RASA1: variants seen among roughly 807,000 people sequenced by gnomAD.
The protein encoded by RASA1 is RAS p21 protein activator 1.
In RASA1, 25 loss-of-function variants were observed where a neutral mutation model predicts 132.2. The observed-to-expected ratio is 0.19, with a 90% CI of 0.14 to 0.26. The LOEUF is 0.26. Among genes scored for constraint, RASA1 ranks in the 10% least tolerant of loss-of-function variants. The pLI is 1.00. For synonymous variants in RASA1, 477 were observed against 449.9 expected, an observed-to-expected ratio of 1.06 and a Z score of -0.76; for missense variants, 964 against 1,299.2, an observed-to-expected ratio of 0.74 and a Z score of 3.97.
chr5:87,306,094 C>G (rs1755596737), intron 1 of RASA1, among the ~76,000 whole-genome samples: 1 of 152,148 alleles, frequency 6.6e-6, no homozygotes, highest in Non-Finnish European at 1.5e-5. Context: ...AAATACCATT[C>G]AACCCATAAA....
At chr5:87,289,327 A>G (rs1421678446) in intron 1 of RASA1, among the ~76,000 whole-genome samples, 2 of 152,154 alleles carry the variant, frequency 1.3e-5, no homozygotes, top group Non-Finnish European at 2.9e-5. Context: ...GGTGGGTTGC[A>G]CCAGATTTTG....
In RASA1 at chr5:87,295,069, G is replaced by C. The variant is rs116901361; in HGVS notation, c.539+26079G>C. Among the ~76,000 whole-genome samples, 31 of 152,122 alleles carry C rather than the reference G, an allele frequency of 2.0e-4. No homozygotes were observed. The East Asian group carries it at 3.5e-3, about 17-fold the overall frequency. ...GATCATTGGGTCTTCTTGAGGTATT[G>C]ATCCCTTTATCATTACTTAATGCCT... On this transcript the variant is annotated intron_variant, in intron 1 of 24. Coordinates refer to ENST00000274376, the MANE Select transcript of RASA1 (RefSeq NM_002890.3).
intron 9 of RASA1, among the ~76,000 whole-genome samples, chr5:87,356,566 T>C (rs1335538197): frequency 1.3e-5 from 2 of 152,084 alleles, no homozygotes; most frequent in Non-Finnish European, 2.9e-5. Context: ...ATATTTTTTG[T>C]AGAGATAGAG....
intron 1 of RASA1, among the ~76,000 whole-genome samples, chr5:87,312,001 T>C (rs1464377800): frequency 6.6e-6 from 1 of 152,224 alleles, no homozygotes; most frequent in African/African-American, 2.4e-5. Context: ...ATACTGGTGA[T>C]ATATAAGGAA....
At chr5:87,276,846 C>T (rs896931941) in intron 1 of RASA1, among the ~76,000 whole-genome samples, 6 of 152,128 alleles carry the variant, frequency 3.9e-5, no homozygotes, top group Non-Finnish European at 8.8e-5. Context: ...AGGGAAGCTT[C>T]TCTGCTTAGA....
intron 9 of RASA1, among the ~76,000 whole-genome samples, chr5:87,359,283 C>T (rs1000661572): frequency 6.6e-6 from 1 of 152,132 alleles, no homozygotes; most frequent in African/African-American, 2.4e-5. Flanking sequence ...GGCTGTTAGA[C>T]TCTAACCAAT....
intron 1 of RASA1, among the ~76,000 whole-genome samples, chr5:87,329,103 C>T (rs1446179742): frequency 6.6e-6 from 1 of 152,002 alleles, no homozygotes; most frequent in South Asian, 2.1e-4. Context: ...TGTCTTTCTC[C>T]TGAACTGACT....
At chr5:87,336,616 T>C (rs1757990708) in intron 4 of RASA1, among the ~76,000 whole-genome samples, 1 of 152,098 alleles carries the variant, frequency 6.6e-6, no homozygotes, top group Admixed American at 6.5e-5. Flanking sequence ...CTTTTTTTGG[T>C]TTTTGCACCA....
rs150590093 is a variant in RASA1 at position 87,317,027 on chromosome 5, C to T, written c.540-14321C>T. On this transcript the variant is annotated intron_variant, in intron 1 of 24. Transcript: ENST00000274376. ...ACTCCCGAGTAGCTGGGATTACAGG[C>T]GTGTGCCACTACACCCAGCTAATTT... Among the ~76,000 whole-genome samples the T allele has an allele frequency of 4.6e-5, 7 of 152,086 alleles. No individual in the cohort carries two copies. In the East Asian group the frequency reaches 1.2e-3, roughly 25 times the overall value.
intron 2 of RASA1, among the ~76,000 whole-genome samples, chr5:87,332,026 A>G (rs1757638385): frequency 1.3e-5 from 2 of 152,266 alleles, no homozygotes; most frequent in African/African-American, 2.4e-5. Flanking sequence ...TCTAATGCAT[A>G]TAGTGTTAAA....
intron 1 of RASA1, among the ~76,000 whole-genome samples, chr5:87,285,017 G>A (rs2112252704): frequency 6.6e-6 from 1 of 151,348 alleles, no homozygotes; most frequent in East Asian, 1.9e-4. Flanking sequence ...TTAAAGTGCT[G>A]CGGAGATAAT....
At chr5:87,318,277 G>T (rs1415258473) in intron 1 of RASA1, 1 of 152,172 alleles carries the variant, frequency 6.6e-6, no homozygotes, top group African/African-American at 2.4e-5. Context: ...GTTAGAGGAG[G>T]AGTTTATGGC....
chr5:87,366,303 G>C (rs1211825430), intron 11 of RASA1: 1 of 363,832 alleles, frequency 2.7e-6, no homozygotes, highest in Non-Finnish European at 5.7e-6. Flanking sequence ...ATATCTGTAA[G>C]ATTGAAGAAA....
chr5:87,328,764 TG>T (rs1455136171), intron 1 of RASA1, among the ~76,000 whole-genome samples: 1 of 152,150 alleles, frequency 6.6e-6, no homozygotes, highest in Non-Finnish European at 1.5e-5. Context: ...TAAAAGATTG[TG>T]GGTTAAAAAA....
At chr5:87,307,703 T>C (rs899711872) in intron 1 of RASA1, among the ~76,000 whole-genome samples, 1 of 152,232 alleles carries the variant, frequency 6.6e-6, no homozygotes, top group African/African-American at 2.4e-5. Flanking sequence ...CTTTTTCTTC[T>C]TTGATCAGTC....
intron 1 of RASA1, among the ~76,000 whole-genome samples, chr5:87,279,709 T>G (rs534609252): frequency 7.9e-5 from 12 of 152,242 alleles, no homozygotes; most frequent in African/African-American, 2.9e-4. Flanking sequence ...TTTACTGATA[T>G]CTCATTGTGA....
At chr5:87,328,782 A>C (rs1757410358) in intron 1 of RASA1, among the ~76,000 whole-genome samples, 1 of 152,182 alleles carries the variant, frequency 6.6e-6, no homozygotes, top group African/African-American at 2.4e-5. Flanking sequence ...AAAATGGTTG[A>C]GAAATACTGT....
chr5:87,294,810 T>A (rs1360086104), intron 1 of RASA1, among the ~76,000 whole-genome samples: 1 of 152,210 alleles, frequency 6.6e-6, no homozygotes, highest in Non-Finnish European at 1.5e-5. Context: ...TTGGAGAGAA[T>A]GTGCAGTCTG....
intron 11 of RASA1, among the ~76,000 whole-genome samples, chr5:87,363,789 C>T (rs1760298425): frequency 6.6e-6 from 1 of 152,050 alleles, no homozygotes; most frequent in Non-Finnish European, 1.5e-5. Context: ...GTCTTTGTCA[C>T]CTTTCCTCTG....
Sources: gnomAD v4.1 joint callset for allele counts (sites outside exome capture counted in the v4.1 genomes callset) on GRCh38, gnomAD v4.1.1 for gene constraint, MANE v1.5 for transcripts, NCBI Gene and HGNC (gene_info 2026-07-23, HGNC 2026-07-21) for gene names.